RUSC1: variants seen among roughly 807,000 people sequenced by gnomAD.
RUSC1 encodes AP-4 complex accessory subunit RUSC1.
Under a neutral mutation model 72.1 loss-of-function variants are expected in RUSC1, and 40 were observed. That is an observed-to-expected ratio of 0.55 (90% CI 0.43 to 0.72). The LOEUF is 0.72. Among genes scored for constraint, RUSC1 ranks in the 30% least tolerant of loss-of-function variants. The probability of loss-of-function intolerance (pLI) is 0.00; values close to 1 mark genes in which losing one functional copy is unlikely to be tolerated. For missense variants in RUSC1, 1,092 were observed against 1,172.3 expected (o/e 0.93, Z 1.00); for synonymous variants, 512 against 494.2 (o/e 1.04, Z -0.48).
In RUSC1 at chr1:155,328,171, C is replaced by T. The variant is rs1456377576; in HGVS notation, c.2436C>T (p.Pro812=). Residue 812 remains proline, a synonymous_variant, in exon 9 of 10, where the codon CCC becomes CCT. Transcript: ENST00000368352. ...LKSRRPSSWL[P]PTVSVLALVK... ...TTAGGAGACCATCTAGCTGGCTGCC[C>T]CCGACAGTGAGTGTGTTGGCTCTTG... 6.2e-7 allele frequency: 1 copy of T among 1,613,262 alleles called. No homozygotes were observed. Among genetic ancestry groups the T allele is most frequent in the Non-Finnish European group, 8.5e-7 (1 of 1,179,650 alleles).
At position 155,328,184 on chromosome 1, in the gene RUSC1, G is replaced by A. The variant is rs772541255; in HGVS notation, c.2449G>A (p.Val817Met). The change falls in exon 9 of 10, where the codon GTG (valine) becomes ATG (methionine). Residue 817 changes from valine to methionine, a missense_variant. Transcript: ENST00000368352. ...PSSWLPPTVS[V>M]LALVKRGAPP... ...TAGCTGGCTGCCCCCGACAGTGAGTGTGTTGGCTCTTGTGAAGCGGGGGGC... is the reference window on the plus strand; with the variant it reads ...TAGCTGGCTGCCCCCGACAGTGAGTATGTTGGCTCTTGTGAAGCGGGGGGC... 8 of 1,613,514 alleles carry A rather than the reference G, an allele frequency of 5.0e-6. No individual in the cohort carries two copies. Among genetic ancestry groups the A allele is most frequent in the Admixed American group, 3.3e-5 (2 of 59,944 alleles).
At chr1:155,324,433 TC>T (rs1372524292) in intron 2 of RUSC1, 1 of 1,612,932 alleles carries the variant, frequency 6.2e-7, no homozygotes, top group South Asian at 1.1e-5. Flanking sequence ...GCCCACGTGC[TC>T]CCCGGGGCTC....
At position 155,325,241 on chromosome 1, in the gene RUSC1, G is replaced by A. The variant is rs1489539528; in HGVS notation, c.1533+63G>A. ...AGTAATGGAGCTCCGCGGGGGGTGCGGGAATGGTTGGCGGGAGGTGGCTGG... is the reference window on the plus strand; with the variant it reads ...AGTAATGGAGCTCCGCGGGGGGTGCAGGAATGGTTGGCGGGAGGTGGCTGG... On this transcript the variant is annotated intron_variant, in intron 4 of 9. Transcript: ENST00000368352. This position sits in a 1 kb window ranked among gnomAD's most constrained non-coding sequence, Gnocchi z 6.5. 4 of 1,611,964 alleles carry A rather than the reference G, an allele frequency of 2.5e-6. No homozygotes were observed. In the South Asian group the frequency reaches 4.4e-5, roughly 18 times the overall value.
intron 9 of RUSC1, 28 bp downstream of exon 9, chr1:155,328,303 G>T: frequency 6.3e-7 from 1 of 1,587,450 alleles, no homozygotes; most frequent in Non-Finnish European, 8.6e-7. Context: ...GAATGCACTA[G>T]TGTGTAACCA....
chr1:155,330,124 G>T (rs928472006), intron 9 of RUSC1, among the ~76,000 whole-genome samples: 2 of 152,072 alleles, frequency 1.3e-5, no homozygotes, highest in Non-Finnish European at 2.9e-5. Context: ...GGAGGAACTG[G>T]TTTTGAGGGT....
At position 155,326,521 on chromosome 1, in the gene RUSC1, G is replaced by C; in HGVS notation, c.1862-59G>C. 6.6e-7 allele frequency: 1 copy of C among 1,524,596 alleles called. No individual in the cohort carries two copies. The highest frequency in any genetic ancestry group is 8.9e-7 in the Non-Finnish European group (1 of 1,124,076). The allele number at this position is 1,524,596 out of a possible 1,614,324, so 94.4% of individuals were successfully genotyped here. ...TGTGTGCTGACTGGTGGGCTGCTCT[G>C]GGGGGTCTTCTGGGACTAGGTCCAG... On this transcript the variant is annotated intron_variant, in intron 7 of 9. Coordinates refer to ENST00000368352, the MANE Select transcript of RUSC1 (RefSeq NM_001105203.2). The surrounding 1 kb of genome is among the most constrained non-coding windows in gnomAD (Gnocchi z 4.7).
At chr1:155,329,171 C>T (rs913051001) in intron 9 of RUSC1, among the ~76,000 whole-genome samples, 5 of 151,962 alleles carry the variant, frequency 3.3e-5, no homozygotes, top group African/African-American at 9.7e-5. Context: ...ACTGCAACCA[C>T]GCCTCCTGGG....
Position 155,326,583 on chromosome 1 carries a change from TG to T in RUSC1, c.1866del (p.Leu623SerfsTer111). 6.2e-7 allele frequency: 1 copy of T among 1,606,364 alleles called. No individual in the cohort carries two copies. The highest frequency in any genetic ancestry group is 8.5e-7 in the Non-Finnish European group (1 of 1,174,822). ...ATGTTGGCCTGCTCTTTTCCAGGCC[TG>T]CTCTCCCTCCTGTACCTGCCAACAG... Reference protein sequence around the residue: ...WFSSLQEDAGLLSLLYLPTGF... With the variant: ...WFSSLQEDAGXLSLLYLPTGF... On this transcript the variant is annotated frameshift_variant, in exon 8 of 10. Coordinates refer to ENST00000368352, the MANE Select transcript of RUSC1 (RefSeq NM_001105203.2). LOFTEE classifies it high-confidence loss of function. This position sits in a 1 kb window ranked among gnomAD's most constrained non-coding sequence, Gnocchi z 4.7.
chr1:155,321,426 A>G, intron 1 of RUSC1: 1 of 1,404,032 alleles, frequency 7.1e-7, no homozygotes, highest in Admixed American at 1.9e-5. Flanking sequence ...GACCTCTTCC[A>G]GGCCCCCGCC....
intron 2 of RUSC1, chr1:155,324,242 T>C: frequency 1.4e-6 from 2 of 1,455,958 alleles, no homozygotes; most frequent in Non-Finnish European, 1.8e-6. Flanking sequence ...GCACTAGAGG[T>C]TCTGGCCACG....
chr1:155,326,445 C>T lies in RUSC1; in HGVS notation c.1862-135C>T. 1 of 890,672 alleles carries T rather than the reference C, an allele frequency of 1.1e-6. No individual in the cohort carries two copies. The highest frequency in any genetic ancestry group is 1.7e-6 in the Non-Finnish European group (1 of 596,138). The allele number at this position is 890,672 out of a possible 1,614,324, so 55.2% of individuals were successfully genotyped here. A position where few individuals can be genotyped will look rare whatever the true frequency, so the allele number is the denominator to read the frequency against. On this transcript the variant is annotated intron_variant, in intron 7 of 9. Coordinates refer to ENST00000368352, the MANE Select transcript of RUSC1 (RefSeq NM_001105203.2). The surrounding 1 kb of genome is among the most constrained non-coding windows in gnomAD (Gnocchi z 4.7). The stretch of plus-strand genomic sequence containing the variant: ...GGGATGTCAGTCCTATAGCCCACCA[C>T]ATCCTTCCTCCTCTCTGCCCCAGTG...
rs202238389 is a variant in RUSC1, at chr1:155,322,143, C to G, written c.370C>G (p.Arg124Gly). The G allele has an allele frequency of 6.2e-7, 1 of 1,602,790 alleles. No individual in the cohort carries two copies. Among genetic ancestry groups the G allele is most frequent in the African/African-American group, 1.3e-5 (1 of 74,840 alleles). ...TGAGTCCCCTGTCTCAGTCTACTTG[C>G]GGGACCTCCCTGGTGATGAGGATGC... Reference protein sequence around the residue: ...PDESPVSVYLRDLPGDEDAHP... With the variant: ...PDESPVSVYLGDLPGDEDAHP... The change falls in exon 2 of 10, where the codon CGG becomes GGG. Residue 124 changes from arginine to glycine, a missense_variant. By Grantham distance (125) the Arg-to-Gly change is moderately radical. Transcript: ENST00000368352.
In RUSC1 at chr1:155,325,240, C is replaced by A; in HGVS notation, c.1533+62C>A. 4 of 1,612,114 alleles carry A rather than the reference C, an allele frequency of 2.5e-6. No homozygotes were observed. The highest frequency in any genetic ancestry group is 3.4e-6 in the Non-Finnish European group (4 of 1,179,852). ...GAGTAATGGAGCTCCGCGGGGGGTG[C>A]GGGAATGGTTGGCGGGAGGTGGCTG... On this transcript the variant is annotated intron_variant, in intron 4 of 9. Coordinates refer to ENST00000368352, the MANE Select transcript of RUSC1 (RefSeq NM_001105203.2). The surrounding 1 kb of genome is among the most constrained non-coding windows in gnomAD (Gnocchi z 6.5).
chr1:155,325,702 C>G lies in RUSC1; in HGVS notation c.1814+30C>G. 6.2e-7 allele frequency: 1 copy of G among 1,610,662 alleles called. No homozygotes were observed. Among genetic ancestry groups the G allele is most frequent in the East Asian group, 2.2e-5 (1 of 44,822 alleles). ...GTTGCCTTCTTTCCAGTGCCCTTCC[C>G]ACGACCTGGGACTGCAGGAGCGTCA... On this transcript the variant is annotated intron_variant, in intron 6 of 9. Coordinates refer to ENST00000368352, the MANE Select transcript of RUSC1 (RefSeq NM_001105203.2). The surrounding 1 kb of genome is among the most constrained non-coding windows in gnomAD (Gnocchi z 6.5).
chr1:155,330,180 G>A (rs183561993), intron 9 of RUSC1, among the ~76,000 whole-genome samples: 2 of 152,228 alleles, frequency 1.3e-5, no homozygotes, highest in Admixed American at 6.5e-5. Context: ...CCATTGAGAA[G>A]TGCAAATAGT....
intron 1 of RUSC1, 95 bp from the exon 2 acceptor site, chr1:155,321,593 A>C: frequency 3.2e-6 from 4 of 1,257,278 alleles, no homozygotes; most frequent in Non-Finnish European, 4.5e-6. Context: ...AAGCAGCCAG[A>C]GCCTTCAGGC....
chr1:155,324,463 C>T (rs753583237), intron 2 of RUSC1: 17 of 1,611,980 alleles, frequency 1.1e-5, no homozygotes, highest in Admixed American at 3.3e-5. Context: ...GGACTGGGCC[C>T]CGGGGCGGTG....
intron 9 of RUSC1, among the ~76,000 whole-genome samples, chr1:155,329,016 G>C (rs898687268): frequency 1.3e-5 from 2 of 152,010 alleles, no homozygotes; most frequent in African/African-American, 4.8e-5. Context: ...TACAGGCATA[G>C]CTACTGCACC....
In RUSC1 at chr1:155,322,599, G is replaced by A; in HGVS notation, c.826G>A (p.Gly276Ser). 4 of 1,614,236 alleles carry A rather than the reference G, an allele frequency of 2.5e-6. No homozygotes were observed. Among genetic ancestry groups the A allele is most frequent in the Non-Finnish European group, 3.4e-6 (4 of 1,180,044 alleles). Reference protein sequence around the residue: ...WKSEPEKFDSGWKTNTRITDS... With the variant: ...WKSEPEKFDSSWKTNTRITDS... ...AAGTGAACCTGAAAAATTCGACTCT[G>A]GTTGGAAAACCAACACAAGAATAAC... Residue 276 changes from glycine (G) to serine (S), a missense_variant, in exon 2 of 10, where the codon GGT becomes AGT. Gly to Ser is a moderately conservative substitution (Grantham distance 56). Coordinates refer to ENST00000368352, the MANE Select transcript of RUSC1 (RefSeq NM_001105203.2).
Sources: gnomAD v4.1 joint callset for allele counts (sites outside exome capture counted in the v4.1 genomes callset) on GRCh38, gnomAD v4.1.1 for gene constraint, Gnocchi (gnomAD v3.1) non-coding constraint, MANE v1.5 for transcripts, NCBI Gene and HGNC (gene_info 2026-07-23, HGNC 2026-07-21) for gene names.